The following GMDS variants were observed in gnomAD, a reference collection of about 807,000 sequenced individuals.
GMDS encodes the protein GDP-mannose 4,6-dehydratase, also known as GDP-mannose 4,6 dehydratase.
In GMDS, 20 loss-of-function variants were observed where a neutral mutation model predicts 49.9. The ratio of observed to expected loss-of-function variants is 0.40; its 90% CI spans 0.28 to 0.58. The LOEUF is 0.58. Ranked by LOEUF, GMDS falls within the 20% of genes least tolerant of loss-of-function variation. GMDS has a pLI of 0.42. For synonymous variants in GMDS, 177 were observed against 178.6 expected (o/e 0.99, Z 0.07); for missense variants, 362 against 481.4 (o/e 0.75, Z 2.32).
chr6:2,019,523 C>T (rs1768127172), intron 4 of GMDS, among the ~76,000 whole-genome samples: 1 of 152,112 alleles, frequency 6.6e-6, no homozygotes, highest in East Asian at 1.9e-4. Flanking sequence ...AGTGCAATGG[C>T]ATGATCTCAG....
At chr6:1,856,664 T>C (rs553200344) in intron 7 of GMDS, among the ~76,000 whole-genome samples, 7 of 152,368 alleles carry the variant, frequency 4.6e-5, no homozygotes, top group Non-Finnish European at 8.8e-5. Context: ...CAGACTCTTA[T>C]TTCCAACAGA....
At chr6:1,915,866 A>G (rs1012652430) in intron 7 of GMDS, among the ~76,000 whole-genome samples, 6 of 152,250 alleles carry the variant, frequency 3.9e-5, no homozygotes, top group African/African-American at 1.4e-4. Context: ...GAACTTGAAA[A>G]TAAAGACTAA....
chr6:2,158,024 AAAAC>A (rs1483162557), intron 1 of GMDS, among the ~76,000 whole-genome samples: 1 of 152,188 alleles, frequency 6.6e-6, no homozygotes, highest in Non-Finnish European at 1.5e-5. Flanking sequence ...AGCTGAAACA[AAAAC>A]AAACCTCAGC....
At chr6:1,737,500 A>AAC (rs139626089) in intron 8 of GMDS, among the ~76,000 whole-genome samples, 4,429 of 148,230 alleles carry the variant, frequency 0.03, 136 homozygotes, top group African/African-American at 0.078. Flanking sequence ...CACACACACA[A>AAC]ACACACACAC....
At chr6:1,722,495 T>C (rs1339017666) in intron 9 of GMDS, among the ~76,000 whole-genome samples, 1 of 152,144 alleles carries the variant, frequency 6.6e-6, no homozygotes, top group African/African-American at 2.4e-5. Context: ...AAATACTTAG[T>C]GCATGAATGA....
At chr6:1,719,674 C>T (rs6930768) in intron 9 of GMDS, among the ~76,000 whole-genome samples, 48,562 of 150,780 alleles carry the variant, frequency 0.32, 8,501 homozygotes, top group African/African-American at 0.45. Flanking sequence ...CAGAGGTCAT[C>T]GGCCAAAGAT....
At chr6:2,163,849 A>G (rs1383163394) in intron 1 of GMDS, among the ~76,000 whole-genome samples, 1 of 152,150 alleles carries the variant, frequency 6.6e-6, no homozygotes, top group Non-Finnish European at 1.5e-5. Flanking sequence ...CTCCCACTGT[A>G]AGGCCTAACA....
chr6:2,219,535 G>C (rs913128060), intron 1 of GMDS, among the ~76,000 whole-genome samples: 2 of 152,054 alleles, frequency 1.3e-5, no homozygotes, highest in African/African-American at 4.8e-5. Context: ...TCATGAACTG[G>C]TTCTTTTGTA....
chr6:1,799,523 C>A (rs777467338), intron 7 of GMDS, among the ~76,000 whole-genome samples: 1 of 152,062 alleles, frequency 6.6e-6, no homozygotes, highest in Non-Finnish European at 1.5e-5. Context: ...TCATTATTAT[C>A]GAAATAGGTG....
chr6:1,957,590 T>C (rs1763711477), intron 6 of GMDS, among the ~76,000 whole-genome samples: 1 of 152,146 alleles, frequency 6.6e-6, no homozygotes, highest in African/African-American at 2.4e-5. Context: ...ACAGTTGAGG[T>C]CAAGTTCCTA....
intron 9 of GMDS, among the ~76,000 whole-genome samples, chr6:1,647,855 A>G (rs1763534337): frequency 6.6e-6 from 1 of 152,084 alleles, no homozygotes; most frequent in South Asian, 2.1e-4. Context: ...CACTGTACTG[A>G]TCCCTCCAGT....
At chr6:1,654,570 A>G (rs144888584) in intron 9 of GMDS, among the ~76,000 whole-genome samples, 77 of 152,326 alleles carry the variant, frequency 5.1e-4, no homozygotes, top group African/African-American at 1.8e-3. Flanking sequence ...TCAAATTCAT[A>G]AAGATGGAAA....
At chr6:1,979,192 G>A (rs1765085166) in intron 4 of GMDS, among the ~76,000 whole-genome samples, 1 of 152,228 alleles carries the variant, frequency 6.6e-6, no homozygotes, top group Non-Finnish European at 1.5e-5. Flanking sequence ...ACTGGGTTGA[G>A]GATGAGATGG....
intron 1 of GMDS, among the ~76,000 whole-genome samples, chr6:2,240,639 A>C (rs1781573076): frequency 6.6e-6 from 1 of 151,482 alleles, no homozygotes; most frequent in Admixed American, 6.6e-5. Context: ...AAAGAAAACC[A>C]CCTCATAGAA....
At chr6:1,990,092 C>G (rs776288076) in intron 4 of GMDS, among the ~76,000 whole-genome samples, 1 of 152,176 alleles carries the variant, frequency 6.6e-6, no homozygotes, top group Admixed American at 6.5e-5. Context: ...GTCAGGAGAT[C>G]GAGACCATCT....
At chr6:2,125,636 T>C (rs1775388097) in intron 1 of GMDS, among the ~76,000 whole-genome samples, 1 of 151,576 alleles carries the variant, frequency 6.6e-6, no homozygotes, top group South Asian at 2.1e-4. Context: ...GGGGATAAGA[T>C]GGGAACTAGG....
intron 4 of GMDS, among the ~76,000 whole-genome samples, chr6:2,013,132 G>T (rs952370596): frequency 6.6e-6 from 1 of 152,100 alleles, no homozygotes; most frequent in Non-Finnish European, 1.5e-5. Context: ...TCATCAACAG[G>T]GCTTCCATAT....
intron 8 of GMDS, among the ~76,000 whole-genome samples, chr6:1,737,906 CCA>C (rs1362397409): frequency 2.8e-5 from 4 of 143,546 alleles, no homozygotes; most frequent in South Asian, 2.4e-4. Flanking sequence ...CACATACACA[CCA>C]CACACCACAC....
chr6:2,008,902 C>T (rs1467845503), intron 4 of GMDS, among the ~76,000 whole-genome samples: 1 of 152,128 alleles, frequency 6.6e-6, no homozygotes, highest in Non-Finnish European at 1.5e-5. Context: ...AGCTTTCTCT[C>T]TTACTTACTT....
Sources: gnomAD v4.1 joint callset for allele counts (sites outside exome capture counted in the v4.1 genomes callset) on GRCh38, gnomAD v4.1.1 for gene constraint, MANE v1.5 for transcripts, NCBI Gene and HGNC (gene_info 2026-07-23, HGNC 2026-07-21) for gene names.